TRPC6: variants seen among roughly 807,000 people sequenced by gnomAD.
TRPC6 encodes the protein short transient receptor potential channel 6.
TRPC6 carries 55 observed loss-of-function variants against 90.7 expected under a neutral mutation model. The ratio of observed to expected loss-of-function variants is 0.61; its 90% CI spans 0.49 to 0.76. The LOEUF is 0.76. Ranked by LOEUF, TRPC6 falls within the 30% of genes least tolerant of loss-of-function variation. TRPC6 has a pLI of 0.00. For synonymous variants in TRPC6, 393 were observed against 393.0 expected, an observed-to-expected ratio of 1.00 and a Z score of 0.00; for missense variants, 989 against 1,122.7, an observed-to-expected ratio of 0.88 and a Z score of 1.70.
At chr11:101,459,333 A>C (rs1347016135) in intron 10 of TRPC6, among the ~76,000 whole-genome samples, 1 of 152,172 alleles carries the variant, frequency 6.6e-6, no homozygotes, top group African/African-American at 2.4e-5. Flanking sequence ...TTGTCTGGGA[A>C]AGTCAGTCAG....
At chr11:101,524,336 C>T (rs985181739) in intron 1 of TRPC6, among the ~76,000 whole-genome samples, 3 of 152,198 alleles carry the variant, frequency 2.0e-5, no homozygotes, top group Non-Finnish European at 4.4e-5. Flanking sequence ...GCAAGCTCCA[C>T]CACCCAGGTT....
intron 2 of TRPC6, among the ~76,000 whole-genome samples, chr11:101,500,756 A>G (rs1016621988): frequency 2.6e-5 from 4 of 152,194 alleles, no homozygotes; most frequent in Admixed American, 2.6e-4. Flanking sequence ...AAGCTATAAT[A>G]TGAGGAATCA....
chr11:101,564,867 A>G (rs1288562736), intron 1 of TRPC6, among the ~76,000 whole-genome samples: 2 of 152,138 alleles, frequency 1.3e-5, no homozygotes, highest in Non-Finnish European at 2.9e-5. Context: ...ATTTAAAAAC[A>G]GACACATAGA....
chr11:101,578,870 T>C (rs964398839), intron 1 of TRPC6, among the ~76,000 whole-genome samples: 4 of 152,170 alleles, frequency 2.6e-5, no homozygotes, highest in African/African-American at 9.6e-5. Context: ...TGTAAATACT[T>C]TGAATTTTAA....
At chr11:101,516,343 T>C (rs539794160) in intron 1 of TRPC6, among the ~76,000 whole-genome samples, 1 of 152,264 alleles carries the variant, frequency 6.6e-6, no homozygotes, top group South Asian at 2.1e-4. Flanking sequence ...TGAAAAGAAC[T>C]ACAATTTTAA....
At position 101,472,324 on chromosome 11, in the gene TRPC6, TCTTC is replaced by T. The variant is rs779235932; in HGVS notation, c.2014_2017del (p.Glu672ArgfsTer16). On this transcript the variant is annotated frameshift_variant, in exon 8 of 13. Coordinates refer to ENST00000344327, the MANE Select transcript of TRPC6 (RefSeq NM_004621.6). LOFTEE classifies it high-confidence loss of function. ...AGCCCAGAACAGTGTCTTAAAACTC[TCTTC>T]AACTCTGGGGAAAAAATAACAGAAG... is the stretch of plus-strand genomic sequence containing the variant. 1 of 1,612,090 alleles carries T rather than the reference TCTTC, an allele frequency of 6.2e-7. No individual in the cohort carries two copies. Among genetic ancestry groups the T allele is most frequent in the Non-Finnish European group, 8.5e-7 (1 of 1,179,242 alleles).
chr11:101,463,791 G>A (rs538721136), intron 10 of TRPC6, among the ~76,000 whole-genome samples: 1 of 152,214 alleles, frequency 6.6e-6, no homozygotes, highest in East Asian at 1.9e-4. Flanking sequence ...AGGGTTTTTA[G>A]TGTCTCTAGC....
In TRPC6 at chr11:101,504,349, T is replaced by A. The variant is rs1186563651; in HGVS notation, c.620A>T (p.Tyr207Phe). The part of the protein sequence containing the change: ...SQSELQQDDF[Y>F]AYDEDGTRFS... ...CCGTGTCCCATCTTCATCATAGGCA[T>A]AAAAATCATCTTGCTGGAGTTCAGA... The change falls in exon 2 of 13, where the codon TAT becomes TTT. Residue 207 changes from tyrosine to phenylalanine, a missense_variant. Tyr to Phe is a conservative substitution (Grantham distance 22, BLOSUM62 3). Coordinates refer to ENST00000344327, the MANE Select transcript of TRPC6 (RefSeq NM_004621.6). The A allele has an allele frequency of 1.2e-6, 2 of 1,614,042 alleles. No individual in the cohort carries two copies. The highest frequency in any genetic ancestry group is 1.3e-5 in the African/African-American group (1 of 75,026).
rs116111235 is a variant in TRPC6 at position 101,521,732 on chromosome 11, C to T, written c.171-16934G>A. Among the ~76,000 whole-genome samples, 1,197 of 152,326 alleles carry T rather than the reference C, an allele frequency of 7.9e-3. 14 individuals carry two copies. Among genetic ancestry groups the T allele is most frequent in the African/African-American group, 0.028 (1,150 of 41,568 alleles). ...TTGCTGAGCCATAGGGGCAAAGCTG[C>T]CCAAGGCCTTGGGAGCTCACCCCAT... On this transcript the variant is annotated intron_variant, in intron 1 of 12. Transcript: ENST00000344327.
At chr11:101,570,040 T>C (rs569107187) in intron 1 of TRPC6, among the ~76,000 whole-genome samples, 25 of 151,600 alleles carry the variant, frequency 1.6e-4, no homozygotes, top group Middle Eastern at 3.4e-3. Flanking sequence ...CTGAAGGAGA[T>C]AGAGACACAA....
intron 1 of TRPC6, among the ~76,000 whole-genome samples, chr11:101,572,259 CAT>C (rs112985403): frequency 0.033 from 4,339 of 132,164 alleles, 118 homozygotes; most frequent in African/African-American, 0.072. Context: ...AGCCAACAAA[CAT>C]ATGAAAAAAA....
intron 3 of TRPC6, among the ~76,000 whole-genome samples, chr11:101,489,499 C>A (rs1859754896): frequency 6.6e-6 from 1 of 152,092 alleles, no homozygotes; most frequent in Admixed American, 6.6e-5. Flanking sequence ...CTGCATTGAT[C>A]TAAAATGTCA....
At chr11:101,529,155 T>C (rs909600487) in intron 1 of TRPC6, among the ~76,000 whole-genome samples, 3 of 152,118 alleles carry the variant, frequency 2.0e-5, no homozygotes, top group African/African-American at 7.2e-5. Context: ...GATCAAACAG[T>C]TCAGAAAAGC....
At chr11:101,570,072 A>G (rs78534328) in intron 1 of TRPC6, among the ~76,000 whole-genome samples, 41 of 152,308 alleles carry the variant, frequency 2.7e-4, no homozygotes, top group African/African-American at 8.9e-4. Context: ...AAAAAATTCA[A>G]TGAATCCAGG....
At chr11:101,557,665 A>G (rs1383244854) in intron 1 of TRPC6, among the ~76,000 whole-genome samples, 1 of 152,180 alleles carries the variant, frequency 6.6e-6, no homozygotes, top group Non-Finnish European at 1.5e-5. Flanking sequence ...AATACAGTAA[A>G]GTTGCAGGAT....
In TRPC6 at chr11:101,471,398, C is replaced by T. The variant is rs761151108; in HGVS notation, c.2206-12G>A. On this transcript the variant is annotated splice_polypyrimidine_tract_variant and intron_variant, in intron 8 of 12. Coordinates refer to ENST00000344327, the MANE Select transcript of TRPC6 (RefSeq NM_004621.6). ...ACATCAGCGTCATCCTATACAAATA[C>T]ACATGACAGTTCAGCAAGGAAATGC... 2.5e-6 allele frequency: 4 copies of T among 1,613,480 alleles called. No homozygotes were observed. In the South Asian group the frequency reaches 3.3e-5, roughly 13 times the overall value.
intron 1 of TRPC6, among the ~76,000 whole-genome samples, chr11:101,523,810 T>G (rs4272759): frequency 0.17 from 26,346 of 152,190 alleles, 2,570 homozygotes; most frequent in African/African-American, 0.25. Flanking sequence ...TACATACAAG[T>G]AGGAAACAAG....
rs190559008 is a variant in TRPC6, at chr11:101,545,158, T to C, written c.170+38176A>G. On this transcript the variant is annotated intron_variant, in intron 1 of 12. Transcript: ENST00000344327. Reference sequence around the variant, plus strand: ...ATATACAGTCAGCCCTATGTATCCATGGATCCTACACCCACTGATTCAACC... The same window carrying C: ...ATATACAGTCAGCCCTATGTATCCACGGATCCTACACCCACTGATTCAACC... Among the ~76,000 whole-genome samples the C allele has an allele frequency of 3.2e-4, 48 of 152,274 alleles. No homozygotes were observed. The East Asian group carries it at 9.1e-3, about 29-fold the overall frequency.
intron 1 of TRPC6, among the ~76,000 whole-genome samples, chr11:101,529,335 T>C (rs1860855601): frequency 2.0e-5 from 3 of 152,178 alleles, no homozygotes; most frequent in Admixed American, 2.0e-4. Flanking sequence ...GGGCAGCATC[T>C]TGGCAATGAA....
Sources: gnomAD v4.1 joint callset for allele counts (sites outside exome capture counted in the v4.1 genomes callset) on GRCh38, gnomAD v4.1.1 for gene constraint, MANE v1.5 for transcripts, NCBI Gene and HGNC (gene_info 2026-07-23, HGNC 2026-07-21) for gene names.